KIAA0753: variants seen among roughly 807,000 people sequenced by gnomAD.
KIAA0753 encodes protein moonraker.
Under a neutral mutation model 116.9 loss-of-function variants are expected in KIAA0753, and 114 were observed. The ratio of observed to expected loss-of-function variants is 0.98; its 90% CI spans 0.84 to 1.14. The LOEUF is 1.14. KIAA0753 is among the 50% of genes most tolerant of loss of function. The probability of loss-of-function intolerance (pLI) is 0.00; values close to 1 mark genes in which losing one functional copy is unlikely to be tolerated. For synonymous variants in KIAA0753, 405 were observed against 413.1 expected, an observed-to-expected ratio of 0.98 and a Z score of 0.24; for missense variants, 1,156 against 1,172.4, an observed-to-expected ratio of 0.99 and a Z score of 0.20.
In KIAA0753 at chr17:6,594,731, AAGC is replaced by A. The variant is rs1460130491; in HGVS notation, c.2440+238_2440+240del. Among the ~76,000 whole-genome samples, 4 of 152,358 alleles carry A rather than the reference AAGC, an allele frequency of 2.6e-5. No individual in the cohort carries two copies. The East Asian group carries it at 7.7e-4, about 29-fold the overall frequency. ...TAAATATTAAACTCTAGTTGATAAT[AAGC>A]ATGCTGAATATTTAGGGGTAAAGTG... On this transcript the variant is annotated intron_variant, in intron 16 of 18. Transcript: ENST00000361413.
intron 4 of KIAA0753, among the ~76,000 whole-genome samples, chr17:6,624,324 AT>A (rs1237909708): frequency 1.3e-5 from 2 of 152,176 alleles, no homozygotes; most frequent in Non-Finnish European, 2.9e-5. Context: ...TAAACATGAA[AT>A]AGATGGGAAA....
intron 18 of KIAA0753, among the ~76,000 whole-genome samples, chr17:6,581,277 TGG>T (rs1427920423): frequency 6.6e-6 from 1 of 151,790 alleles, no homozygotes; most frequent in Non-Finnish European, 1.5e-5. Context: ...AGCCTTTTTT[TGG>T]GGGGGTGGGG....
Position 6,589,946 on chromosome 17 carries a change from A to ACTC in KIAA0753, c.2618_2619insGAG (p.Leu873_Leu874insSer). ...GTTGAGAATCTTCGGCTAGGGAGAG[A>ACTC]AGAGGGGCCTCTCTTTTCTCTGATC... On this transcript the variant is annotated inframe_insertion, in exon 18 of 19. Coordinates refer to ENST00000361413, the MANE Select transcript of KIAA0753 (RefSeq NM_014804.3). 6.2e-7 allele frequency: 1 copy of ACTC among 1,607,010 alleles called. No individual in the cohort carries two copies. Among genetic ancestry groups the ACTC allele is most frequent in the Non-Finnish European group, 8.5e-7 (1 of 1,177,926 alleles).
intron 1 of KIAA0753, chr17:6,638,592 A>G: frequency 6.5e-6 from 1 of 153,238 alleles, no homozygotes; most frequent in Non-Finnish European, 1.4e-5. Flanking sequence ...GAGGCCCCAG[A>G]CTCTCTGGCT....
intron 12 of KIAA0753, among the ~76,000 whole-genome samples, chr17:6,602,036 G>A (rs1486364232): frequency 1.1e-4 from 16 of 152,232 alleles, no homozygotes; most frequent in Admixed American, 7.8e-4. Flanking sequence ...AACATCATTC[G>A]CCTTCAAGGA....
intron 7 of KIAA0753, 62 bp downstream of exon 7, chr17:6,620,726 G>A: frequency 6.5e-7 from 1 of 1,528,878 alleles, no homozygotes; most frequent in Non-Finnish European, 9.1e-7. Context: ...TGCAGTAACT[G>A]TTATAGCCCA....
chr17:6,585,891 T>A (rs1214332393), intron 18 of KIAA0753, among the ~76,000 whole-genome samples: 1 of 152,202 alleles, frequency 6.6e-6, no homozygotes, highest in Non-Finnish European at 1.5e-5. Flanking sequence ...TCTGCTCATT[T>A]TCAAAAATAA....
rs571384896 is a variant in KIAA0753 at position 6,601,883 on chromosome 17, G to A, written c.2010-1425C>T. On this transcript the variant is annotated intron_variant, in intron 12 of 18. Transcript: ENST00000361413. ...AGATCTATGGGCGAGCCATAGTATTGCGAGAAAATATCTGCTGCACACATA... is the reference window on the plus strand; with the variant it reads ...AGATCTATGGGCGAGCCATAGTATTACGAGAAAATATCTGCTGCACACATA... 4.6e-5 allele frequency among the ~76,000 whole-genome samples: 7 copies of A among 152,276 alleles called. No homozygotes were observed. The South Asian group carries it at 1.0e-3, about 23-fold the overall frequency.
intron 12 of KIAA0753, among the ~76,000 whole-genome samples, chr17:6,602,085 T>G (rs1969911522): frequency 6.6e-6 from 1 of 152,156 alleles, no homozygotes; most frequent in South Asian, 2.1e-4. Flanking sequence ...CACCACATTC[T>G]CACCAGAATC....
At chr17:6,629,698 G>A (rs1971900121) in intron 2 of KIAA0753, among the ~76,000 whole-genome samples, 1 of 152,174 alleles carries the variant, frequency 6.6e-6, no homozygotes, top group African/African-American at 2.4e-5. Context: ...GTGATGCCGT[G>A]ACCTTGGAGA....
At chr17:6,588,053 G>A (rs984023504) in intron 18 of KIAA0753, among the ~76,000 whole-genome samples, 3 of 152,142 alleles carry the variant, frequency 2.0e-5, no homozygotes, top group African/African-American at 7.2e-5. Flanking sequence ...CATGAAGGCA[G>A]AGTGCAGTAT....
At chr17:6,611,288 C>T (rs1055662172) in intron 8 of KIAA0753, among the ~76,000 whole-genome samples, 1 of 152,066 alleles carries the variant, frequency 6.6e-6, no homozygotes, top group African/African-American at 2.4e-5. Flanking sequence ...CGATATTTAT[C>T]TTTAGCAGGA....
intron 14 of KIAA0753, among the ~76,000 whole-genome samples, chr17:6,596,599 T>C (rs114761440): frequency 6.6e-6 from 1 of 152,236 alleles, no homozygotes; most frequent in African/African-American, 2.4e-5. Context: ...TTATTGTCCA[T>C]GCAAATTATC....
At chr17:6,605,535 A>G (rs980627561) in intron 12 of KIAA0753, among the ~76,000 whole-genome samples, 1 of 152,208 alleles carries the variant, frequency 6.6e-6, no homozygotes, top group Non-Finnish European at 1.5e-5. Context: ...TTCCCCTAGG[A>G]GTCTTCATCT....
chr17:6,588,956 T>C (rs1187241616), intron 18 of KIAA0753, among the ~76,000 whole-genome samples: 2 of 152,136 alleles, frequency 1.3e-5, no homozygotes, highest in Non-Finnish European at 2.9e-5. Context: ...AAAAGCAAAT[T>C]TGTCCCCACC....
intron 18 of KIAA0753, among the ~76,000 whole-genome samples, chr17:6,589,500 C>A (rs1968828331): frequency 6.6e-6 from 1 of 152,050 alleles, no homozygotes; most frequent in Non-Finnish European, 1.5e-5. Context: ...CTGACTAGAA[C>A]CCGATGGTAT....
rs555429623 is a variant in KIAA0753 at position 6,628,690 on chromosome 17, T to C, written c.145A>G (p.Ile49Val). 3 of 1,613,676 alleles carry C rather than the reference T, an allele frequency of 1.9e-6. No homozygotes were observed. In the South Asian group the frequency reaches 3.3e-5, roughly 18 times the overall value. Reference sequence around the variant, plus strand: ...ATGGCATGTGGGCAAGAATATCGGATCGCCAAGTTGCTTGAATGTGTAGGA... The same window carrying C: ...ATGGCATGTGGGCAAGAATATCGGACCGCCAAGTTGCTTGAATGTGTAGGA... ...NVPTHSSNLAIRYSCPHAIRI... is the reference protein window; with the variant it reads ...NVPTHSSNLAVRYSCPHAIRI... The change falls in exon 3 of 19, where the codon ATC becomes GTC. Residue 49 changes from isoleucine (I) to valine (V), a missense_variant. Coordinates refer to ENST00000361413, the MANE Select transcript of KIAA0753 (RefSeq NM_014804.3).
Position 6,628,683 on chromosome 17 carries a change from T to C in KIAA0753, c.152A>G (p.Tyr51Cys), listed in dbSNP as rs1734963808. 6.2e-7 allele frequency: 1 copy of C among 1,613,710 alleles called. No homozygotes were observed. The highest frequency in any genetic ancestry group is 8.5e-7 in the Non-Finnish European group (1 of 1,179,848). The change falls in exon 3 of 19, where the codon TAT (tyrosine) becomes TGT (cysteine). Residue 51 changes from tyrosine to cysteine, a missense_variant. By Grantham distance (194) the Tyr-to-Cys change is radical. Transcript: ENST00000361413. ...PTHSSNLAIR[Y>C]SCPHAIRIEK... ...AATTCTAATGGCATGTGGGCAAGAA[T>C]ATCGGATCGCCAAGTTGCTTGAATG...
At chr17:6,619,055 C>T (rs947014447) in intron 7 of KIAA0753, among the ~76,000 whole-genome samples, 1 of 151,970 alleles carries the variant, frequency 6.6e-6, no homozygotes, top group South Asian at 2.1e-4. Context: ...GTGGTGAAAC[C>T]CCGTCTCTAC....
Sources: gnomAD v4.1 joint callset for allele counts (sites outside exome capture counted in the v4.1 genomes callset) on GRCh38, gnomAD v4.1.1 for gene constraint, MANE v1.5 for transcripts, NCBI Gene and HGNC (gene_info 2026-07-23, HGNC 2026-07-21) for gene names.